EXOC4: variants seen among roughly 807,000 people sequenced by gnomAD.
EXOC4 encodes exocyst complex component 4.
In EXOC4, 71 loss-of-function variants were observed where a neutral mutation model predicts 107.2. The ratio of observed to expected loss-of-function variants is 0.66; its 90% CI spans 0.55 to 0.81. The LOEUF (loss-of-function observed/expected upper bound fraction) is 0.81, where lower values mean the gene tolerates loss of function less well. Ranked by LOEUF, EXOC4 falls within the 30% of genes least tolerant of loss-of-function variation. The pLI, the probability that EXOC4 is intolerant of heterozygous loss-of-function variation, is 0.00. For missense variants in EXOC4, 1,108 were observed against 1,189.6 expected, an observed-to-expected ratio of 0.93 and a Z score of 1.01; for synonymous variants, 456 against 441.2, an observed-to-expected ratio of 1.03 and a Z score of -0.42.
intron 10 of EXOC4, among the ~76,000 whole-genome samples, chr7:133,665,401 C>T (rs1793789422): frequency 6.6e-6 from 1 of 152,030 alleles, no homozygotes; most frequent in Non-Finnish European, 1.5e-5. Flanking sequence ...GATATTAGAC[C>T]AGTTGATTTG....
At chr7:133,613,335 G>A (rs896875488) in intron 9 of EXOC4, among the ~76,000 whole-genome samples, 12 of 152,118 alleles carry the variant, frequency 7.9e-5, no homozygotes, top group African/African-American at 2.2e-4. Flanking sequence ...CAGCAATTTC[G>A]TAGTCACCTC....
chr7:133,554,571 G>A (rs949217287), intron 9 of EXOC4, among the ~76,000 whole-genome samples: 1 of 152,010 alleles, frequency 6.6e-6, no homozygotes, highest in Non-Finnish European at 1.5e-5. Flanking sequence ...GGCAATCACA[G>A]GGCCCCCTTG....
chr7:133,910,423 TTC>T (rs1350476731), intron 12 of EXOC4, among the ~76,000 whole-genome samples: 4 of 152,212 alleles, frequency 2.6e-5, no homozygotes, highest in South Asian at 2.1e-4. Flanking sequence ...CTTGGATGGT[TTC>T]TGTTTTCCAT....
chr7:133,266,166 G>A (rs1584761685), intron 1 of EXOC4, among the ~76,000 whole-genome samples: 1 of 152,314 alleles, frequency 6.6e-6, no homozygotes, highest in South Asian at 2.1e-4. Flanking sequence ...GCTTGTAAAT[G>A]GCTCCCTTGC....
In EXOC4 at chr7:133,605,124, C is replaced by T. The variant is rs75426152; in HGVS notation, c.1418-24921C>T. ...TTCATGTAGGAATGAAAGAGAGCAG[C>T]GAAATAGTAGGTGTGTCTGTGTATG... On this transcript the variant is annotated intron_variant, in intron 9 of 17. Transcript: ENST00000253861. Among the ~76,000 whole-genome samples the T allele has an allele frequency of 8.5e-3, 1,299 of 152,096 alleles. 8 individuals are homozygous for T. The highest frequency in any genetic ancestry group is 0.038 in the East Asian group (196 of 5,174).
rs575903293 is a variant in EXOC4, at chr7:133,783,201, AACTTT to A, written c.1515-34118_1515-34114del. Among the ~76,000 whole-genome samples the A allele has an allele frequency of 4.6e-3, 707 of 152,260 alleles. 3 individuals carry two copies. The highest frequency in any genetic ancestry group is 0.016 in the African/African-American group (667 of 41,558). Reference sequence around the variant, plus strand: ...AATATAAGCCTTTGCATCCCTTGAAAACTTTACTTTTTTAGTCCCTTCCCTGTCAC... The same window carrying A: ...AATATAAGCCTTTGCATCCCTTGAAAACTTTTTTAGTCCCTTCCCTGTCAC... On this transcript the variant is annotated intron_variant, in intron 10 of 17. Transcript: ENST00000253861.
intron 10 of EXOC4, among the ~76,000 whole-genome samples, chr7:133,758,812 T>G (rs1427463140): frequency 6.6e-6 from 1 of 152,200 alleles, no homozygotes; most frequent in Non-Finnish European, 1.5e-5. Flanking sequence ...CTTACTAAGA[T>G]ATAGCTCTTC....
chr7:133,884,581 CTGTGTG>C (rs34350149), intron 11 of EXOC4, among the ~76,000 whole-genome samples: 5,774 of 143,686 alleles, frequency 0.04, 147 homozygotes, highest in African/African-American at 0.07. Flanking sequence ...GCCCTATGCT[CTGTGTG>C]TGTGTGTGTG....
Position 133,434,940 on chromosome 7 carries a change from T to C in EXOC4, c.1183-40388T>C, listed in dbSNP as rs3814458. Among the ~76,000 whole-genome samples the C allele has an allele frequency of 2.6e-5, 4 of 152,234 alleles. No individual in the cohort carries two copies. In the East Asian group the frequency reaches 7.7e-4, roughly 29 times the overall value. On this transcript the variant is annotated intron_variant, in intron 7 of 17. Coordinates refer to ENST00000253861, the MANE Select transcript of EXOC4 (RefSeq NM_021807.4). ...ATATTCTCTTTAAAAAGAAGACTGG[T>C]GATGCCTAATTTATTTAGCACCATC...
At chr7:133,862,449 C>T (rs1222957371) in intron 11 of EXOC4, among the ~76,000 whole-genome samples, 1 of 152,068 alleles carries the variant, frequency 6.6e-6, no homozygotes, top group Non-Finnish European at 1.5e-5. Flanking sequence ...CACCGTTGCA[C>T]TCCAGCCTCA....
At chr7:133,566,255 A>G (rs1044647849) in intron 9 of EXOC4, among the ~76,000 whole-genome samples, 3 of 152,176 alleles carry the variant, frequency 2.0e-5, no homozygotes, top group African/African-American at 7.2e-5. Context: ...TCTGTGCTTT[A>G]TCTATAATCC....
chr7:133,851,233 C>A (rs940925364), intron 11 of EXOC4, among the ~76,000 whole-genome samples: 2 of 152,124 alleles, frequency 1.3e-5, no homozygotes, highest in Admixed American at 6.5e-5. Flanking sequence ...GTGGAAAAAT[C>A]AAGTAAACCA....
intron 14 of EXOC4, among the ~76,000 whole-genome samples, chr7:133,951,089 G>A (rs949599826): frequency 2.0e-5 from 3 of 152,168 alleles, no homozygotes; most frequent in African/African-American, 4.8e-5. Flanking sequence ...CGCCACCAGC[G>A]GCCAGAAACT....
intron 7 of EXOC4, among the ~76,000 whole-genome samples, chr7:133,424,332 C>G (rs1797674869): frequency 6.6e-6 from 1 of 152,126 alleles, no homozygotes; most frequent in Admixed American, 6.5e-5. Flanking sequence ...CACGAACCCA[C>G]CAGAAGGAAT....
intron 7 of EXOC4, among the ~76,000 whole-genome samples, chr7:133,412,690 G>A (rs958696455): frequency 3.3e-5 from 5 of 151,838 alleles, no homozygotes; most frequent in East Asian, 1.9e-4. Flanking sequence ...GAACAGGACC[G>A]GGTCATAAGC....
At chr7:133,603,906 C>G (rs1340994376) in intron 9 of EXOC4, among the ~76,000 whole-genome samples, 1 of 152,034 alleles carries the variant, frequency 6.6e-6, no homozygotes, top group African/African-American at 2.4e-5. Context: ...AACTTTTTTA[C>G]TCTTGTAATA....
At chr7:133,681,147 C>G (rs1241660884) in intron 10 of EXOC4, among the ~76,000 whole-genome samples, 1 of 152,116 alleles carries the variant, frequency 6.6e-6, no homozygotes, top group African/African-American at 2.4e-5. Flanking sequence ...CTTTCAGCCC[C>G]GTCTCCTTTG....
intron 5 of EXOC4, among the ~76,000 whole-genome samples, chr7:133,348,643 C>T (rs77592935): frequency 0.012 from 1,888 of 152,220 alleles, 29 homozygotes; most frequent in African/African-American, 0.043. Context: ...TATTTCTACC[C>T]GCAGTCCCCA....
Position 133,787,969 on chromosome 7 carries a change from A to ATG in EXOC4, c.1515-29355_1515-29354insGT, listed in dbSNP as rs1317194734. Among the ~76,000 whole-genome samples the ATG allele has an allele frequency of 9.1e-5, 2 of 21,858 alleles. 1 individual carries two copies. Among genetic ancestry groups the ATG allele is most frequent in the Non-Finnish European group, 1.9e-4 (2 of 10,470 alleles). 14.3% of individuals were successfully genotyped at this position (21,858 alleles called of 152,430 possible). A position where few individuals can be genotyped will look rare whatever the true frequency, so the allele number is the denominator to read the frequency against. Reference sequence around the variant, plus strand: ...TGTGCATATATTTATATATTTATATATATATATATATATATATATATATAT... The same window carrying ATG: ...TGTGCATATATTTATATATTTATATATGTATATATATATATATATATATATAT... On this transcript the variant is annotated intron_variant, in intron 10 of 17. Coordinates refer to ENST00000253861, the MANE Select transcript of EXOC4 (RefSeq NM_021807.4).
Sources: allele counts gnomAD v4.1 joint callset (sites outside exome capture counted in the v4.1 genomes callset), GRCh38; gene constraint gnomAD v4.1.1; transcripts MANE v1.5; gene names NCBI Gene and HGNC (gene_info 2026-07-23, HGNC 2026-07-21).